Variants in IL6ST observed in about 807,000 individuals in gnomAD.
IL6ST encodes interleukin-6 receptor subunit beta.
A neutral mutation model predicts 91.3 loss-of-function variants in IL6ST; 24 were observed. The ratio of observed to expected loss-of-function variants is 0.26; its 90% confidence interval spans 0.19 to 0.37. The LOEUF (loss-of-function observed/expected upper bound fraction) is 0.37, where lower values mean the gene tolerates loss of function less well. Ranked by LOEUF, IL6ST falls within the 10% of genes least tolerant of loss-of-function variation. IL6ST has a pLI of 1.00. For missense variants in IL6ST, 914 were observed against 1,078.5 expected (o/e 0.85, Z 2.14); for synonymous variants, 351 against 373.6 (o/e 0.94, Z 0.70).
chr5:55,951,641 C>A, intron 13 of IL6ST, 37 bp from the exon 14 acceptor site: 1 of 1,582,660 alleles, frequency 6.3e-7, no homozygotes, highest in South Asian at 1.2e-5. Context: ...TTCAACTATT[C>A]AATGCTTTTG....
chr5:55,974,149 G>T (rs1753130211), intron 3 of IL6ST, among the ~76,000 whole-genome samples: 1 of 152,136 alleles, frequency 6.6e-6, no homozygotes, highest in South Asian at 2.1e-4. Flanking sequence ...TCAGATCAAA[G>T]TAAGTATGAG....
In IL6ST at chr5:55,940,372, A is replaced by G. The variant is rs1383052384; in HGVS notation, c.*710T>C. The G allele has an allele frequency of 9.6e-6, 2 of 208,952 alleles. No individual in the cohort carries two copies. The highest frequency in any genetic ancestry group is 1.4e-4 in the East Asian group (2 of 13,824). 12.9% of individuals were successfully genotyped at this position (208,952 alleles called of 1,614,324 possible). A position where few individuals can be genotyped will look rare whatever the true frequency, so the allele number is the denominator to read the frequency against. ...GAAATGCATCTTCAAAGAGGTTGTC[A>G]ATAATATGCAAATTTTTGAAAACTA... On this transcript the variant is annotated 3_prime_UTR_variant, in exon 17 of 17. Transcript: ENST00000381298.
chr5:55,943,314 T>C (rs187220613), intron 15 of IL6ST, among the ~76,000 whole-genome samples: 6 of 152,118 alleles, frequency 3.9e-5, no homozygotes, highest in African/African-American at 9.6e-5. Context: ...CCAAAACAGA[T>C]TGAAGAAAAA....
Position 55,951,574 on chromosome 5 carries a change from T to C in IL6ST, c.1730A>G (p.Tyr577Cys). The C allele has an allele frequency of 6.2e-7, 1 of 1,612,270 alleles. No individual in the cohort carries two copies. Among genetic ancestry groups the C allele is most frequent in the Non-Finnish European group, 8.5e-7 (1 of 1,178,808 alleles). The change falls in exon 14 of 17, where the codon TAT (tyrosine) becomes TGT (cysteine). Residue 577 changes from tyrosine (Y) to cysteine (C), a missense_variant. Physicochemically the swap from Tyr to Cys is radical, Grantham distance 194. Coordinates refer to ENST00000381298, the MANE Select transcript of IL6ST (RefSeq NM_002184.4). ...AVNVDSSHTEYTLSSLTSDTL... is the reference protein window; with the variant it reads ...AVNVDSSHTECTLSSLTSDTL... ...GTCACTAGTCAAAGAGGACAATGTA[T>C]ATTCTGTGTGGGAAGAATCCACATT...
chr5:55,991,871 TG>T (rs1463663303), intron 1 of IL6ST, among the ~76,000 whole-genome samples: 1 of 152,164 alleles, frequency 6.6e-6, no homozygotes, highest in Non-Finnish European at 1.5e-5. Flanking sequence ...AAATTATTCT[TG>T]TAGTTTCCAA....
intron 2 of IL6ST, among the ~76,000 whole-genome samples, chr5:55,976,588 C>A (rs997879373): frequency 1.3e-5 from 2 of 152,120 alleles, no homozygotes; most frequent in African/African-American, 4.8e-5. Flanking sequence ...TTAAGAACTT[C>A]AGACTGACAA....
rs1752255841 is a variant in IL6ST, at chr5:55,960,653, AGCCTT to A, written c.814-97_814-93del. 6 of 1,230,152 alleles carry A rather than the reference AGCCTT, an allele frequency of 4.9e-6. No individual in the cohort carries two copies. The South Asian group carries it at 9.3e-5, about 19-fold the overall frequency. 76.2% of individuals were successfully genotyped at this position (1,230,152 alleles called of 1,614,324 possible). On this transcript the variant is annotated intron_variant, in intron 7 of 16. Transcript: ENST00000381298. Reference sequence around the variant, plus strand: ...TCAGAAACTTTTTTTTTTGAGGCACAGCCTTGCTCTGTTGCCCAGGTTGGAGTGCA... The same window carrying A: ...TCAGAAACTTTTTTTTTTGAGGCACAGCTCTGTTGCCCAGGTTGGAGTGCA...
chr5:55,942,412 G>A (rs1007590766), intron 16 of IL6ST, among the ~76,000 whole-genome samples: 8 of 152,078 alleles, frequency 5.3e-5, no homozygotes, highest in African/African-American at 1.7e-4. Flanking sequence ...CATCTGTAAT[G>A]TGTACTAAAC....
At chr5:55,973,362 A>G (rs1360204611) in intron 3 of IL6ST, among the ~76,000 whole-genome samples, 1 of 152,080 alleles carries the variant, frequency 6.6e-6, no homozygotes, top group Non-Finnish European at 1.5e-5. Context: ...CCTTGTGTCC[A>G]CTCCAGCCAA....
chr5:55,966,450 G>T (rs1405948305), intron 5 of IL6ST, among the ~76,000 whole-genome samples: 1 of 152,124 alleles, frequency 6.6e-6, no homozygotes, highest in Non-Finnish European at 1.5e-5. Context: ...ACAGGTGTCT[G>T]TACTTGTCAA....
At chr5:55,949,497 T>A (rs1414351527) in intron 14 of IL6ST, among the ~76,000 whole-genome samples, 2 of 152,008 alleles carry the variant, frequency 1.3e-5, no homozygotes, top group Admixed American at 1.3e-4. Flanking sequence ...ACAAAAAATA[T>A]ACATATGGGC....
intron 1 of IL6ST, among the ~76,000 whole-genome samples, chr5:55,990,760 TATACTTTA>T (rs1420338749): frequency 1.3e-5 from 2 of 152,092 alleles, no homozygotes; most frequent in African/African-American, 4.8e-5. Flanking sequence ...TTTTGTTTAT[TATACTTTA>T]AGTTCTAGGG....
intron 3 of IL6ST, among the ~76,000 whole-genome samples, chr5:55,971,233 T>C (rs532097008): frequency 3.9e-5 from 6 of 152,348 alleles, no homozygotes; most frequent in Non-Finnish European, 7.3e-5. Flanking sequence ...TGTAGTCATC[T>C]TCCAACATCT....
chr5:55,937,238 G>C lies in IL6ST; in HGVS notation c.*3844C>G, dbSNP rs1750591180. The C allele has an allele frequency of 4.7e-6, 1 of 214,202 alleles. No individual in the cohort carries two copies. Among genetic ancestry groups the C allele is most frequent in the Non-Finnish European group, 9.4e-6 (1 of 106,090 alleles). 13.3% of individuals were successfully genotyped at this position (214,202 alleles called of 1,614,324 possible). A position where few individuals can be genotyped will look rare whatever the true frequency, so the allele number is the denominator to read the frequency against. On this transcript the variant is annotated 3_prime_UTR_variant, in exon 17 of 17. Coordinates refer to ENST00000381298, the MANE Select transcript of IL6ST (RefSeq NM_002184.4). ...CGACCCATCAACTTTAATGAAATGG[G>C]TAATGAAGTTAAACTAACCAGTTTG...
intron 8 of IL6ST, 106 bp from the exon 9 acceptor site, chr5:55,957,397 G>C: frequency 1.8e-6 from 1 of 558,356 alleles, no homozygotes; most frequent in Non-Finnish European, 3.1e-6. Context: ...CCCTCCAATT[G>C]CATGGTGTCT....
At position 55,941,004 on chromosome 5, in the gene IL6ST, A is replaced by T. The variant is rs1750868600; in HGVS notation, c.*78T>A. On this transcript the variant is annotated 3_prime_UTR_variant, in exon 17 of 17. Coordinates refer to ENST00000381298, the MANE Select transcript of IL6ST (RefSeq NM_002184.4). ...TCTTCAGAGAGTGAAGACTTTTTAA[A>T]ATCTGAATTCACAGATAAAATCATT... 5 of 1,406,770 alleles carry T rather than the reference A, an allele frequency of 3.6e-6. No homozygotes were observed. The highest frequency in any genetic ancestry group is 4.8e-6 in the Non-Finnish European group (5 of 1,035,456). 87.1% of individuals were successfully genotyped at this position (1,406,770 alleles called of 1,614,324 possible).
intron 1 of IL6ST, among the ~76,000 whole-genome samples, chr5:55,985,986 T>C (rs1753945887): frequency 1.3e-5 from 2 of 152,246 alleles, no homozygotes; most frequent in African/African-American, 4.8e-5. Context: ...CTCTATTTGT[T>C]CCACTGATCA....
At chr5:55,968,056 G>C (rs191398832) in intron 5 of IL6ST, among the ~76,000 whole-genome samples, 5 of 152,088 alleles carry the variant, frequency 3.3e-5, no homozygotes, top group Admixed American at 2.6e-4. Flanking sequence ...CTCAGCCTCC[G>C]TAAGTGCTGG....
chr5:55,977,928 G>A (rs927004721), intron 2 of IL6ST, among the ~76,000 whole-genome samples: 3 of 151,818 alleles, frequency 2.0e-5, no homozygotes, highest in Admixed American at 6.6e-5. Flanking sequence ...GAACCCGGAA[G>A]GCAGGGGCTG....
Sources: allele counts gnomAD v4.1 joint callset (sites outside exome capture counted in the v4.1 genomes callset), GRCh38; gene constraint gnomAD v4.1.1; transcripts MANE v1.5; gene names NCBI Gene and HGNC (gene_info 2026-07-23, HGNC 2026-07-21).